The following TSNARE1 variants were observed in gnomAD, a reference collection of about 807,000 sequenced individuals.
TSNARE1 encodes the protein t-SNARE domain containing 1, also known as t-SNARE domain-containing protein 1.
In TSNARE1, 49 loss-of-function variants were observed where a neutral mutation model predicts 62.0. That is an observed-to-expected ratio of 0.79 (90% CI 0.63 to 1.00). TSNARE1 has a LOEUF of 1.00. Among genes scored for constraint, TSNARE1 ranks in the 50% least tolerant of loss-of-function variants. The probability of loss-of-function intolerance (pLI) is 0.00; values close to 1 mark genes in which losing one functional copy is unlikely to be tolerated. For missense variants in TSNARE1, 755 were observed against 700.1 expected (o/e 1.08, Z -0.88); for synonymous variants, 328 against 294.4 (o/e 1.11, Z -1.17).
rs141176495 is a variant in TSNARE1, at chr8:142,345,793, C to T, written c.188G>A (p.Gly63Asp). Residue 63 changes from glycine (G) to aspartate (D), a missense_variant, in exon 3 of 14, where the codon GGT becomes GAT. Physicochemically the swap from Gly to Asp is moderately conservative, Grantham distance 94 (BLOSUM62 -1). Transcript: ENST00000524325. ...AGGCGTGCCTGCTGGCCCCAGATCACCTTCCCCGTCCTTCCCCACACAGCG... is the reference window on the plus strand; with the variant it reads ...AGGCGTGCCTGCTGGCCCCAGATCATCTTCCCCGTCCTTCCCCACACAGCG... ...QNRCVGKDGE[G>D]DLGPAGTPIV... 1.2e-6 allele frequency: 2 copies of T among 1,613,720 alleles called. No individual in the cohort carries two copies. Among genetic ancestry groups the T allele is most frequent in the African/African-American group, 2.7e-5 (2 of 74,882 alleles).
At chr8:142,287,175 G>A (rs568507718) in intron 10 of TSNARE1, among the ~76,000 whole-genome samples, 12 of 151,164 alleles carry the variant, frequency 7.9e-5, no homozygotes, top group African/African-American at 2.7e-4. Context: ...CCGCCCTCCA[G>A]GTCGTGGAAC....
At chr8:142,280,517 C>T (rs1411829971) in intron 11 of TSNARE1, among the ~76,000 whole-genome samples, 1 of 152,188 alleles carries the variant, frequency 6.6e-6, no homozygotes, top group Non-Finnish European at 1.5e-5. Flanking sequence ...TCCCGCCTGT[C>T]CACCCGGCAG....
rs1586782874 is a variant in TSNARE1 at position 142,319,987 on chromosome 8, G to A, written c.894-1353C>T. Among the ~76,000 whole-genome samples, 1 of 152,110 alleles carries A rather than the reference G, an allele frequency of 6.6e-6. No homozygotes were observed. On this transcript the variant is annotated intron_variant, in intron 6 of 13. Coordinates refer to ENST00000524325, the MANE Select transcript of TSNARE1 (RefSeq NM_145003.5). The surrounding 1 kb of genome is among the most constrained non-coding windows in gnomAD (Gnocchi z 4.9). ...TCCAGTGCCTCCAGCTCCCAAACAC[G>A]CCTCTTCGGCCAACCACTGGCTTAA...
At chr8:142,377,071 G>A (rs1260346798) in intron 1 of TSNARE1, among the ~76,000 whole-genome samples, 2 of 152,212 alleles carry the variant, frequency 1.3e-5, no homozygotes, top group African/African-American at 2.4e-5. Flanking sequence ...GTCAACGGGG[G>A]ACATGGCAGC....
At chr8:142,280,161 C>T (rs1821177532) in intron 11 of TSNARE1, 2 of 985,328 alleles carry the variant, frequency 2.0e-6, no homozygotes, top group Non-Finnish European at 1.2e-6. Flanking sequence ...TCTGCACCAG[C>T]ACCTCCGTCT....
At chr8:142,351,678 G>A (rs1369878335) in intron 2 of TSNARE1, among the ~76,000 whole-genome samples, 2 of 151,998 alleles carry the variant, frequency 1.3e-5, no homozygotes, top group African/African-American at 2.4e-5. Context: ...AAAATAAGAA[G>A]GGCACTTTGT....
At chr8:142,362,205 T>C (rs774188609) in intron 1 of TSNARE1, among the ~76,000 whole-genome samples, 34 of 152,164 alleles carry the variant, frequency 2.2e-4, no homozygotes, top group Non-Finnish European at 4.3e-4. Context: ...AGTGAGCACC[T>C]TGTCTGGCAT....
At chr8:142,313,441 ATGTC>A (rs945157980) in intron 9 of TSNARE1, among the ~76,000 whole-genome samples, 2 of 141,026 alleles carry the variant, frequency 1.4e-5, no homozygotes, top group African/African-American at 2.7e-5. Context: ...TGTTGTCTAC[ATGTC>A]TGTTTATCTG....
intron 1 of TSNARE1, among the ~76,000 whole-genome samples, chr8:142,369,143 G>T (rs536402931): frequency 6.6e-6 from 1 of 152,196 alleles, no homozygotes; most frequent in Non-Finnish European, 1.5e-5. Flanking sequence ...GAAACAGTGT[G>T]GGGAGAGACC....
intron 1 of TSNARE1, among the ~76,000 whole-genome samples, chr8:142,375,741 A>AC (rs1301639680): frequency 6.6e-6 from 1 of 152,180 alleles, no homozygotes; most frequent in Non-Finnish European, 1.5e-5. Context: ...AACTCCCCGC[A>AC]CAGAGACCCC....
At chr8:142,294,292 G>A (rs1452392941) in intron 10 of TSNARE1, among the ~76,000 whole-genome samples, 1 of 152,094 alleles carries the variant, frequency 6.6e-6, no homozygotes, top group African/African-American at 2.4e-5. Context: ...CAATCACCTC[G>A]CTAACACCTG....
chr8:142,215,447 C>A (rs1471394379), intron 13 of TSNARE1, among the ~76,000 whole-genome samples: 1 of 152,122 alleles, frequency 6.6e-6, no homozygotes, highest in Non-Finnish European at 1.5e-5. Context: ...GCCAGAACTG[C>A]CCCTCCCATC....
intron 1 of TSNARE1, among the ~76,000 whole-genome samples, chr8:142,386,439 A>T (rs1444109756): frequency 1.3e-5 from 2 of 152,218 alleles, no homozygotes; most frequent in African/African-American, 4.8e-5. Flanking sequence ...AATGGACCAC[A>T]GAGTAAAAGA....
intron 13 of TSNARE1, among the ~76,000 whole-genome samples, chr8:142,223,023 GCCAC>G (rs1563756517): frequency 4.2e-4 from 4 of 9,454 alleles, no homozygotes; most frequent in African/African-American, 1.3e-3. Flanking sequence ...CACTCACTCA[GCCAC>G]TCACTCATTC....
At chr8:142,281,961 G>A (rs2130811021) in intron 11 of TSNARE1, among the ~76,000 whole-genome samples, 2 of 152,326 alleles carry the variant, frequency 1.3e-5, no homozygotes, top group South Asian at 2.1e-4. Context: ...GGGACTCAGA[G>A]GCAAGGGACA....
intron 1 of TSNARE1, among the ~76,000 whole-genome samples, chr8:142,379,619 C>T (rs547135132): frequency 6.6e-6 from 1 of 152,322 alleles, no homozygotes; most frequent in East Asian, 1.9e-4. Flanking sequence ...CTTGAAAGCC[C>T]TTCTCTGCCT....
At chr8:142,379,001 T>C (rs570498057) in intron 1 of TSNARE1, among the ~76,000 whole-genome samples, 202 of 152,276 alleles carry the variant, frequency 1.3e-3, no homozygotes, top group Non-Finnish European at 2.4e-3. Flanking sequence ...GGCACTCTCA[T>C]AGCTCCCTGG....
At chr8:142,333,540 G>A (rs997565523) in intron 4 of TSNARE1, among the ~76,000 whole-genome samples, 1 of 152,224 alleles carries the variant, frequency 6.6e-6, no homozygotes, top group Admixed American at 6.5e-5. Context: ...CTGCCCTGAG[G>A]TGGCCCGGCA....
chr8:142,372,858 C>A (rs1836011679), intron 1 of TSNARE1, among the ~76,000 whole-genome samples: 2 of 152,062 alleles, frequency 1.3e-5, no homozygotes, highest in African/African-American at 4.8e-5. Context: ...CAGCAGACTC[C>A]CCCAGGCCTC....
Sources: gnomAD v4.1 joint callset for allele counts (sites outside exome capture counted in the v4.1 genomes callset) on GRCh38, gnomAD v4.1.1 for gene constraint, Gnocchi (gnomAD v3.1) non-coding constraint, MANE v1.5 for transcripts, NCBI Gene and HGNC (gene_info 2026-07-23, HGNC 2026-07-21) for gene names.